Variants in TTC39C observed in about 807,000 individuals in gnomAD.
TTC39C encodes the protein tetratricopeptide repeat domain 39C, also known as tetratricopeptide repeat protein 39C.
TTC39C carries 33 observed loss-of-function variants against 76.3 expected under a neutral mutation model. The observed-to-expected ratio is 0.43, with a 90% CI of 0.33 to 0.58. The LOEUF (loss-of-function observed/expected upper bound fraction) is 0.58. Among genes scored for constraint, TTC39C ranks in the 20% least tolerant of loss-of-function variants. The pLI, the probability that TTC39C is intolerant of heterozygous loss-of-function variation, is 0.04. For synonymous variants in TTC39C, 254 were observed against 260.6 expected (o/e 0.97, Z 0.24); for missense variants, 595 against 701.4 (o/e 0.85, Z 1.71).
chr18:24,018,166 A>G (rs2145647182), intron 1 of TTC39C, among the ~76,000 whole-genome samples: 1 of 152,370 alleles, frequency 6.6e-6, no homozygotes, highest in South Asian at 2.1e-4. Flanking sequence ...TATAGTAATA[A>G]TGTAGCAACA....
intron 1 of TTC39C, among the ~76,000 whole-genome samples, chr18:23,998,810 G>GGTCCTAAATAGAGACA (rs149626712): frequency 6.6e-6 from 1 of 151,824 alleles, no homozygotes; most frequent in Non-Finnish European, 1.5e-5. Context: ...GCATGAAGCT[G>GGTCCTAAATAGAGACA]GTGGAGCTCT....
chr18:24,119,026 CT>C (rs776948190), intron 8 of TTC39C, among the ~76,000 whole-genome samples: 8 of 152,152 alleles, frequency 5.3e-5, no homozygotes, highest in Non-Finnish European at 4.4e-5. Flanking sequence ...CTGCTCCAAC[CT>C]TGTTTTACCT....
At chr18:24,117,167 A>G (rs975162192) in intron 7 of TTC39C, among the ~76,000 whole-genome samples, 3 of 152,054 alleles carry the variant, frequency 2.0e-5, no homozygotes, top group African/African-American at 7.2e-5. Context: ...AGGATTAGAG[A>G]GCGTTACATG....
chr18:24,056,392 T>C (rs1315629641), intron 1 of TTC39C, among the ~76,000 whole-genome samples: 2 of 152,090 alleles, frequency 1.3e-5, no homozygotes, highest in Non-Finnish European at 2.9e-5. Context: ...ATTAAATAAG[T>C]TTAGAACATT....
rs950624629 is a variant in TTC39C at position 24,022,284 on chromosome 18, C to A, written c.167+7246C>A. On this transcript the variant is annotated intron_variant, in intron 1 of 13. Coordinates refer to ENST00000317571, the MANE Select transcript of TTC39C (RefSeq NM_001135993.2). ...AACACATTCTTTTAAAGGCTCACAT[C>A]TTTTGCTTTGTGGGCTGGCATTGAG... Among the ~76,000 whole-genome samples, 4 of 148,044 alleles carry A rather than the reference C, an allele frequency of 2.7e-5. No homozygotes were observed. In the South Asian group the frequency reaches 9.8e-4, roughly 36 times the overall value.
At chr18:24,094,124 C>T (rs2084560715) in intron 6 of TTC39C, among the ~76,000 whole-genome samples, 3 of 152,210 alleles carry the variant, frequency 2.0e-5, no homozygotes, top group African/African-American at 4.8e-5. Flanking sequence ...CTTTTGTTGT[C>T]ATTTCAGCAG....
In TTC39C at chr18:24,123,913, C is replaced by T. The variant is rs1482023498; in HGVS notation, c.1266C>T (p.Asn422=). Residue 422 remains asparagine (N), a synonymous_variant, in exon 9 of 14, where the codon AAC becomes AAT. Transcript: ENST00000317571. The part of the protein sequence containing the change: ...KEVQKLFKRK[N]NQIEQFSVKK... ...TTCAGAAACTCTTCAAAAGGAAAAA[C>T]AATCAGATTGAACAGTTCTCGGTGA... is the stretch of plus-strand genomic sequence containing the variant. The T allele has an allele frequency of 6.2e-7, 1 of 1,612,970 alleles. No homozygotes were observed. Among genetic ancestry groups the T allele is most frequent in the Non-Finnish European group, 8.5e-7 (1 of 1,179,536 alleles).
rs527766556 is a variant in TTC39C at position 24,031,177 on chromosome 18, C to T, written c.167+16139C>T. Among the ~76,000 whole-genome samples the T allele has an allele frequency of 2.8e-4, 43 of 151,200 alleles. No homozygotes were observed. In the East Asian group the frequency reaches 7.0e-3, roughly 25 times the overall value. On this transcript the variant is annotated intron_variant, in intron 1 of 13. Transcript: ENST00000317571. ...TTCGCCATGTTGGCCAGGCTGGTCT[C>T]GAACTCCTGACTGCAAGTGATCCGG... is the stretch of plus-strand genomic sequence containing the variant.
At chr18:24,091,442 G>A (rs1471419345) in intron 6 of TTC39C, among the ~76,000 whole-genome samples, 4 of 151,982 alleles carry the variant, frequency 2.6e-5, no homozygotes, top group African/African-American at 7.2e-5. Flanking sequence ...ACCATGTGCT[G>A]GGACAACTGA....
Position 24,014,934 on chromosome 18 carries a change from G to C in TTC39C, c.63G>C (p.Ala21=). The C allele has an allele frequency of 6.6e-7, 1 of 1,512,512 alleles. No homozygotes were observed. The highest frequency in any genetic ancestry group is 1.3e-5 in the South Asian group (1 of 79,612). 93.7% of individuals were successfully genotyped at this position (1,512,512 alleles called of 1,614,324 possible). ...ACGACGGAGACTCGGACGCGGCAGC[G>C]GCGGCGGCGGCGCCCCTGCAGGACG... The part of the protein sequence containing the change: ...RRDDGDSDAA[A]AAAAPLQDAE... The change falls in exon 1 of 14, where the codon GCG becomes GCC. Residue 21 remains alanine, a synonymous_variant. Transcript: ENST00000317571.
intron 6 of TTC39C, among the ~76,000 whole-genome samples, chr18:24,088,100 T>C (rs4043684): frequency 0.77 from 116,396 of 152,136 alleles, 46,984 homozygotes; most frequent in Non-Finnish European, 0.89. Flanking sequence ...GAAGAAGTTG[T>C]AAAAATGTCT....
chr18:24,008,924 T>C (rs987122112), intron 1 of TTC39C, among the ~76,000 whole-genome samples: 1 of 152,154 alleles, frequency 6.6e-6, no homozygotes, highest in African/African-American at 2.4e-5. Context: ...CTGGAGGACA[T>C]CATCCTTAGC....
At chr18:23,998,730 G>A (rs2083288933) in intron 1 of TTC39C, among the ~76,000 whole-genome samples, 1 of 152,206 alleles carries the variant, frequency 6.6e-6, no homozygotes, top group African/African-American at 2.4e-5. Context: ...TTTGTGGGCT[G>A]AAATAAATGC....
At chr18:24,129,602 C>T (rs1439059912) in intron 11 of TTC39C, among the ~76,000 whole-genome samples, 2 of 151,716 alleles carry the variant, frequency 1.3e-5, no homozygotes, top group African/African-American at 4.8e-5. Flanking sequence ...GGTGGAACCC[C>T]GTCTCTACTG....
At chr18:24,132,461 A>G in intron 13 of TTC39C, 24 bp from the exon 14 acceptor site, 1 of 1,610,078 alleles carries the variant, frequency 6.2e-7, no homozygotes, top group Non-Finnish European at 8.5e-7. Flanking sequence ...CAGAGTGCAT[A>G]AATATCTTTC....
At chr18:24,075,862 A>G (rs1205353746) in intron 4 of TTC39C, among the ~76,000 whole-genome samples, 2 of 152,158 alleles carry the variant, frequency 1.3e-5, no homozygotes, top group Admixed American at 6.5e-5. Flanking sequence ...TCCAAGATCA[A>G]TTTCATGTAA....
At chr18:24,116,583 A>G (rs1443729577) in intron 7 of TTC39C, among the ~76,000 whole-genome samples, 1 of 152,150 alleles carries the variant, frequency 6.6e-6, no homozygotes, top group African/African-American at 2.4e-5. Flanking sequence ...AACTATGTCA[A>G]TATCACATCC....
At chr18:24,109,500 G>C (rs191593500) in intron 6 of TTC39C, among the ~76,000 whole-genome samples, 11 of 152,150 alleles carry the variant, frequency 7.2e-5, no homozygotes, top group Non-Finnish European at 1.0e-4. Context: ...ACACTGTGTG[G>C]CCATTAAGAA....
At chr18:24,082,761 A>AT (rs3214740) in intron 5 of TTC39C, 152 bp from the exon 6 acceptor site, 35,954 of 734,246 alleles carry the variant, frequency 0.049, 1,881 homozygotes, top group East Asian at 0.24. Flanking sequence ...TAACATTAAA[A>AT]TGGGGAAAGT....
Sources: allele counts gnomAD v4.1 joint callset (sites outside exome capture counted in the v4.1 genomes callset), GRCh38; gene constraint gnomAD v4.1.1; transcripts MANE v1.5; gene names NCBI Gene and HGNC (gene_info 2026-07-23, HGNC 2026-07-21).